GSG1L: variants seen among roughly 807,000 people sequenced by gnomAD.
GSG1L encodes germ cell-specific gene 1-like protein.
Under a neutral mutation model 42.1 loss-of-function variants are expected in GSG1L, and 24 were observed. The observed-to-expected ratio is 0.57, with a 90% CI of 0.41 to 0.80. GSG1L has a LOEUF of 0.80. Among genes scored for constraint, GSG1L ranks in the 30% least tolerant of loss-of-function variants. The probability of loss-of-function intolerance (pLI) is 0.00; values close to 1 mark genes in which losing one functional copy is unlikely to be tolerated. For synonymous variants in GSG1L, 215 were observed against 203.5 expected, an observed-to-expected ratio of 1.06 and a Z score of -0.48; for missense variants, 445 against 472.2, an observed-to-expected ratio of 0.94 and a Z score of 0.53.
intron 5 of GSG1L, 37 bp downstream of exon 5, chr16:27,828,752 C>T (rs2083242077): frequency 6.3e-7 from 1 of 1,592,452 alleles, no homozygotes; most frequent in Non-Finnish European, 8.6e-7. Flanking sequence ...GCTTTAGAGT[C>T]CCCGTGGTGG....
chr16:27,937,246 C>CT (rs199773933), intron 2 of GSG1L, among the ~76,000 whole-genome samples: 23,958 of 145,940 alleles, frequency 0.16, 2,083 homozygotes, highest in East Asian at 0.25. Flanking sequence ...GCTCTTCTGC[C>CT]TTTTTTTTTT....
chr16:27,843,426 C>T (rs998270044), intron 4 of GSG1L, among the ~76,000 whole-genome samples: 9 of 150,124 alleles, frequency 6.0e-5, no homozygotes, highest in Non-Finnish European at 1.3e-4. Context: ...GAAAGAAACC[C>T]TATCTCTCTG....
intron 3 of GSG1L, among the ~76,000 whole-genome samples, chr16:27,881,108 A>G (rs1236572164): frequency 1.3e-5 from 2 of 152,204 alleles, no homozygotes; most frequent in East Asian, 3.8e-4. Context: ...TGAAATACAT[A>G]GTACAGAAGA....
At chr16:28,052,268 G>T (rs2086229447) in intron 1 of GSG1L, among the ~76,000 whole-genome samples, 1 of 151,918 alleles carries the variant, frequency 6.6e-6, no homozygotes, top group South Asian at 2.1e-4. Flanking sequence ...GTGTTCCCTG[G>T]TTTCTACTTT....
intron 1 of GSG1L, among the ~76,000 whole-genome samples, chr16:27,964,407 C>A (rs1169278497): frequency 5.3e-5 from 8 of 152,096 alleles, no homozygotes; most frequent in Admixed American, 5.2e-4. Context: ...CCTTGATGAG[C>A]CCCTTCCTAA....
chr16:27,931,334 G>A lies in GSG1L; in HGVS notation c.397+31822C>T, dbSNP rs148260737. ...ATCCCGCTCTGATCTCAAGCCCACCGTGCTCAAACGGCTGGCTTCATGCCG... is the reference window on the plus strand; with the variant it reads ...ATCCCGCTCTGATCTCAAGCCCACCATGCTCAAACGGCTGGCTTCATGCCG... On this transcript the variant is annotated intron_variant, in intron 2 of 6. Coordinates refer to ENST00000447459, the MANE Select transcript of GSG1L (RefSeq NM_001109763.2). Among the ~76,000 whole-genome samples, 7 of 152,228 alleles carry A rather than the reference G, an allele frequency of 4.6e-5. No homozygotes were observed. In the East Asian group the frequency reaches 5.8e-4, roughly 13 times the overall value.
At chr16:27,791,850 C>T (rs1327237058) in intron 6 of GSG1L, among the ~76,000 whole-genome samples, 1 of 152,068 alleles carries the variant, frequency 6.6e-6, no homozygotes, top group African/African-American at 2.4e-5. Context: ...CCTCCTACCA[C>T]CCAGTAACCC....
At chr16:28,058,106 C>T (rs1269633280) in intron 1 of GSG1L, among the ~76,000 whole-genome samples, 1 of 152,186 alleles carries the variant, frequency 6.6e-6, no homozygotes, top group Non-Finnish European at 1.5e-5. Flanking sequence ...GTTGGAGGAA[C>T]AAAGGGAGCC....
intron 6 of GSG1L, 37 bp downstream of exon 6, chr16:27,807,450 A>T (rs372065461): frequency 1.0e-5 from 16 of 1,571,478 alleles, no homozygotes; most frequent in Non-Finnish European, 1.4e-5. Context: ...CAGCCCATGA[A>T]TCTGTCGTAG....
chr16:27,907,159 C>T (rs1331325336), intron 2 of GSG1L, among the ~76,000 whole-genome samples: 2 of 152,196 alleles, frequency 1.3e-5, no homozygotes, highest in African/African-American at 4.8e-5. Context: ...GGTCCCTTTC[C>T]ACTGGGAGTT....
At chr16:27,987,624 G>C (rs566045026) in intron 1 of GSG1L, among the ~76,000 whole-genome samples, 1 of 152,274 alleles carries the variant, frequency 6.6e-6, no homozygotes, top group African/African-American at 2.4e-5. Context: ...TGGGTACTTG[G>C]GACCCAGAGT....
rs545034046 is a variant in GSG1L at position 27,877,177 on chromosome 16, C to T, written c.550+7309G>A. ...CCCTGTCTTCCCCAATACCTCTCGA[C>T]CGAAGTCACAAGACTTGGGGGGAGT... On this transcript the variant is annotated intron_variant, in intron 3 of 6. Transcript: ENST00000447459. Among the ~76,000 whole-genome samples the T allele has an allele frequency of 1.5e-3, 226 of 152,234 alleles. 1 individual carries two copies. Among genetic ancestry groups the T allele is most frequent in the African/African-American group, 5.1e-3 (212 of 41,556 alleles).
At chr16:27,996,789 A>C (rs2085518855) in intron 1 of GSG1L, among the ~76,000 whole-genome samples, 1 of 152,022 alleles carries the variant, frequency 6.6e-6, no homozygotes, top group East Asian at 1.9e-4. Context: ...TTTCTTTTTT[A>C]TTTTTAGACA....
chr16:27,947,439 A>G (rs572635496), intron 2 of GSG1L, among the ~76,000 whole-genome samples: 1 of 151,648 alleles, frequency 6.6e-6, no homozygotes, highest in East Asian at 1.9e-4. Context: ...AGAAGGAAGG[A>G]AGGAAAGAAG....
chr16:28,049,433 C>T (rs1317098920), intron 1 of GSG1L, among the ~76,000 whole-genome samples: 1 of 151,860 alleles, frequency 6.6e-6, no homozygotes, highest in South Asian at 2.1e-4. Context: ...GTAAGCCCAA[C>T]ACTTTGGGAG....
chr16:28,051,151 A>T (rs1427129603), intron 1 of GSG1L, among the ~76,000 whole-genome samples: 1 of 152,190 alleles, frequency 6.6e-6, no homozygotes, highest in Non-Finnish European at 1.5e-5. Context: ...CCAAGTGTTC[A>T]TTACCTACCA....
chr16:27,988,721 T>C (rs1432028225), intron 1 of GSG1L, among the ~76,000 whole-genome samples: 1 of 150,370 alleles, frequency 6.7e-6, no homozygotes, highest in East Asian at 2.0e-4. Flanking sequence ...GAGAAAATTA[T>C]TTTGTTTACC....
intron 1 of GSG1L, among the ~76,000 whole-genome samples, chr16:28,018,655 C>G (rs536582533): frequency 6.6e-6 from 1 of 152,194 alleles, no homozygotes; most frequent in South Asian, 2.1e-4. Context: ...GAGGGAACGG[C>G]CATTGTGCAG....
intron 2 of GSG1L, among the ~76,000 whole-genome samples, chr16:27,894,671 A>G (rs946142442): frequency 6.6e-6 from 1 of 152,170 alleles, no homozygotes; most frequent in Non-Finnish European, 1.5e-5. Context: ...GCTCAGAGGC[A>G]GGGATGTACC....
Sources: gnomAD v4.1 joint callset for allele counts (sites outside exome capture counted in the v4.1 genomes callset) on GRCh38, gnomAD v4.1.1 for gene constraint, MANE v1.5 for transcripts, NCBI Gene and HGNC (gene_info 2026-07-23, HGNC 2026-07-21) for gene names.